DSCAM: variants seen among roughly 807,000 people sequenced by gnomAD.
DSCAM encodes the protein cell adhesion molecule DSCAM.
A neutral mutation model predicts 217.7 loss-of-function variants in DSCAM; 47 were observed. The observed-to-expected ratio is 0.22, with a 90% CI of 0.17 to 0.28. The LOEUF (loss-of-function observed/expected upper bound fraction) is 0.28. Among genes scored for constraint, DSCAM ranks in the 10% least tolerant of loss-of-function variants. The pLI is 1.00. For missense variants in DSCAM, 2,080 were observed against 2,618.3 expected, an observed-to-expected ratio of 0.79 and a Z score of 4.49; for synonymous variants, 1,056 against 1,015.3, an observed-to-expected ratio of 1.04 and a Z score of -0.76.
chr21:40,111,480 G>T (rs556467420), intron 20 of DSCAM, among the ~76,000 whole-genome samples: 2 of 152,186 alleles, frequency 1.3e-5, no homozygotes, highest in African/African-American at 4.8e-5. Flanking sequence ...TGTAAAGACT[G>T]TCGAGGCTAG....
intron 3 of DSCAM, among the ~76,000 whole-genome samples, chr21:40,635,171 GAAGA>G (rs1430094754): frequency 6.6e-6 from 1 of 152,128 alleles, no homozygotes; most frequent in Non-Finnish European, 1.5e-5. Context: ...AGACAAGGCA[GAAGA>G]AAGAAGGGAA....
intron 18 of DSCAM, among the ~76,000 whole-genome samples, chr21:40,135,782 C>T (rs1458772602): frequency 6.6e-6 from 1 of 152,192 alleles, no homozygotes; most frequent in Non-Finnish European, 1.5e-5. Flanking sequence ...TGTGGAACAT[C>T]TTTTGTTCAT....
chr21:40,763,951 G>A (rs551191694), intron 1 of DSCAM, among the ~76,000 whole-genome samples: 75 of 152,132 alleles, frequency 4.9e-4, no homozygotes, highest in African/African-American at 1.8e-3. Context: ...AACTCAAGAT[G>A]GATTAAAGAC....
chr21:40,629,560 G>C (rs1201631885), intron 3 of DSCAM: 1 of 152,160 alleles, frequency 6.6e-6, no homozygotes. Flanking sequence ...TTTTCTCAGT[G>C]CTCCTGATAT....
At chr21:40,812,568 G>A (rs776567905) in intron 1 of DSCAM, among the ~76,000 whole-genome samples, 2 of 152,144 alleles carry the variant, frequency 1.3e-5, no homozygotes, top group Non-Finnish European at 2.9e-5. Context: ...GGCTATTTGT[G>A]GGCCACAGAG....
At chr21:40,804,050 CCTCCATCAGCACCAAGT>C (rs2091765378) in intron 1 of DSCAM, among the ~76,000 whole-genome samples, 1 of 145,758 alleles carries the variant, frequency 6.9e-6, no homozygotes, top group Admixed American at 6.7e-5. Flanking sequence ...TTAAACCACC[CCTCCATCAGCACCAAGT>C]CTGTAAACAC....
intron 1 of DSCAM, among the ~76,000 whole-genome samples, chr21:40,800,715 C>CTTTT (rs34391500): frequency 3.1e-5 from 4 of 131,070 alleles, no homozygotes; most frequent in African/African-American, 5.7e-5. Flanking sequence ...TTCTTACTTT[C>CTTTT]TTTTTTTTTT....
intron 3 of DSCAM, among the ~76,000 whole-genome samples, chr21:40,551,205 C>T (rs2076626817): frequency 6.6e-6 from 1 of 152,138 alleles, no homozygotes; most frequent in Admixed American, 6.5e-5. Context: ...CTTAGGGAAA[C>T]ATAAGACATC....
At position 40,732,072 on chromosome 21, in the gene DSCAM, C is replaced by T. The variant is rs539742254; in HGVS notation, c.44-23301G>A. Among the ~76,000 whole-genome samples the T allele has an allele frequency of 4.6e-5, 7 of 152,260 alleles. No individual in the cohort carries two copies. In the South Asian group the frequency reaches 1.5e-3, roughly 32 times the overall value. ...CCCCATCTCCACATACAATCACCTT[C>T]TGAGGTCAGTGGTTAAGGCTTCAAC... is the stretch of plus-strand genomic sequence containing the variant. On this transcript the variant is annotated intron_variant, in intron 1 of 32. Transcript: ENST00000400454.
At chr21:40,142,384 A>C (rs560072598) in intron 18 of DSCAM, among the ~76,000 whole-genome samples, 174 bp downstream of exon 18, 4 of 152,290 alleles carry the variant, frequency 2.6e-5, no homozygotes, top group Non-Finnish European at 4.4e-5. Flanking sequence ...TGATGTTTTA[A>C]ACAAAGAGAC....
At position 40,641,821 on chromosome 21, in the gene DSCAM, G is replaced by A. The variant is rs149975701; in HGVS notation, c.508+50989C>T. ...CCCAGCACTACGGGGAGGCCGAGGC[G>A]GGTGGATCACGAGGTCAGGAGTTCG... On this transcript the variant is annotated intron_variant, in intron 3 of 32. Transcript: ENST00000400454. Among the ~76,000 whole-genome samples, 1,296 of 152,178 alleles carry A rather than the reference G, an allele frequency of 8.5e-3. 15 individuals are homozygous for A. The highest frequency in any genetic ancestry group is 0.029 in the African/African-American group (1,199 of 41,516).
intron 3 of DSCAM, among the ~76,000 whole-genome samples, chr21:40,389,513 C>G (rs575877462): frequency 6.6e-6 from 1 of 152,178 alleles, no homozygotes; most frequent in Non-Finnish European, 1.5e-5. Context: ...ATCATTAATA[C>G]TGTCCAGGTA....
intron 6 of DSCAM, 92 bp from the exon 7 acceptor site, chr21:40,339,507 C>T (rs969844830): frequency 7.8e-7 from 1 of 1,286,236 alleles, no homozygotes; most frequent in Non-Finnish European, 1.0e-6. Context: ...GGGTAAATGT[C>T]GTAGTTGTTA....
intron 3 of DSCAM, among the ~76,000 whole-genome samples, chr21:40,632,549 T>C (rs2089706219): frequency 6.6e-6 from 1 of 152,198 alleles, no homozygotes; most frequent in South Asian, 2.1e-4. Context: ...CAGTATGTGC[T>C]CCATAGTAAA....
intron 3 of DSCAM, among the ~76,000 whole-genome samples, chr21:40,532,609 G>A (rs187392847): frequency 1.2e-4 from 18 of 152,216 alleles, no homozygotes; most frequent in Admixed American, 8.5e-4. Flanking sequence ...TCAGTGGTCC[G>A]GAACAAGAAA....
intron 3 of DSCAM, among the ~76,000 whole-genome samples, chr21:40,510,305 G>T (rs950228226): frequency 6.6e-6 from 1 of 152,110 alleles, no homozygotes; most frequent in African/African-American, 2.4e-5. Context: ...AACAGAGATA[G>T]CATTTTTATG....
intron 3 of DSCAM, among the ~76,000 whole-genome samples, chr21:40,568,914 G>A (rs2076785336): frequency 6.6e-6 from 1 of 152,142 alleles, no homozygotes; most frequent in African/African-American, 2.4e-5. Context: ...TTGGCAGCAG[G>A]GCCCACATAT....
intron 3 of DSCAM, among the ~76,000 whole-genome samples, chr21:40,589,534 C>T (rs2076969704): frequency 6.6e-6 from 1 of 152,168 alleles, no homozygotes; most frequent in Non-Finnish European, 1.5e-5. Flanking sequence ...CGAGATCACA[C>T]CACTGCACTC....
intron 3 of DSCAM, among the ~76,000 whole-genome samples, chr21:40,531,297 T>A (rs1210489532): frequency 1.3e-5 from 2 of 152,150 alleles, no homozygotes; most frequent in Non-Finnish European, 2.9e-5. Context: ...TGGGATCAGG[T>A]TCCCTCTGCT....
Sources: allele counts gnomAD v4.1 joint callset (sites outside exome capture counted in the v4.1 genomes callset), GRCh38; gene constraint gnomAD v4.1.1; transcripts MANE v1.5; gene names NCBI Gene and HGNC (gene_info 2026-07-23, HGNC 2026-07-21).